The following GABRB3 variants were observed in gnomAD, a reference collection of about 807,000 sequenced individuals.
GABRB3 encodes gamma-aminobutyric acid type A receptor subunit beta3.
Under a neutral mutation model 52.1 loss-of-function variants are expected in GABRB3, and 14 were observed. The observed-to-expected ratio is 0.27, with a 90% CI of 0.18 to 0.42. The LOEUF (loss-of-function observed/expected upper bound fraction) is 0.42. Ranked by LOEUF, GABRB3 falls within the 10% of genes least tolerant of loss-of-function variation. The pLI is 1.00. For synonymous variants in GABRB3, 260 were observed against 232.3 expected, an observed-to-expected ratio of 1.12 and a Z score of -1.08; for missense variants, 307 against 609.1, an observed-to-expected ratio of 0.50 and a Z score of 5.22.
chr15:26,718,002 T>C (rs1359275377), intron 3 of GABRB3, among the ~76,000 whole-genome samples: 1 of 152,212 alleles, frequency 6.6e-6, no homozygotes, highest in African/African-American at 2.4e-5. Context: ...TCATTCTTTC[T>C]CTTTTGCCCA....
At chr15:26,618,538 C>T (rs1438537968) in intron 4 of GABRB3, among the ~76,000 whole-genome samples, 3 of 152,122 alleles carry the variant, frequency 2.0e-5, no homozygotes, top group Admixed American at 6.5e-5. Context: ...AAGACTTAAA[C>T]GTTAGACCTA....
intron 3 of GABRB3, among the ~76,000 whole-genome samples, chr15:26,748,341 G>C (rs990390049): frequency 6.6e-6 from 1 of 151,964 alleles, no homozygotes; most frequent in Non-Finnish European, 1.5e-5. Context: ...AAATTATCTG[G>C]GCCCAGAGAT....
intron 8 of GABRB3, among the ~76,000 whole-genome samples, chr15:26,549,767 T>C (rs138573623): frequency 6.6e-6 from 1 of 152,088 alleles, no homozygotes; most frequent in Non-Finnish European, 1.5e-5. Context: ...AGTCAGACCA[T>C]ACCTCCCAGC....
rs899501884 is a variant in GABRB3, at chr15:26,547,561, T to A, written c.*232A>T. The stretch of plus-strand genomic sequence containing the variant: ...TGTATATATGTATGTGTATTTGTCT[T>A]CCATACACATGGGCACTGACTCCTG... On this transcript the variant is annotated 3_prime_UTR_variant, in exon 9 of 9. Transcript: ENST00000311550. 30 of 593,598 alleles carry A rather than the reference T, an allele frequency of 5.1e-5. No individual in the cohort carries two copies. In the African/African-American group the frequency reaches 5.6e-4, roughly 11 times the overall value. The allele number at this position is 593,598 out of a possible 1,614,324, so 36.8% of individuals were successfully genotyped here.
chr15:26,754,353 T>G (rs771349452), intron 3 of GABRB3, among the ~76,000 whole-genome samples: 1 of 152,006 alleles, frequency 6.6e-6, no homozygotes, highest in African/African-American at 2.4e-5. Context: ...CAGAGAGAGA[T>G]CAGAAGTAGT....
At chr15:26,698,839 G>T (rs1002075395) in intron 3 of GABRB3, among the ~76,000 whole-genome samples, 1 of 152,082 alleles carries the variant, frequency 6.6e-6, no homozygotes, top group African/African-American at 2.4e-5. Flanking sequence ...TTCAAAGACT[G>T]TGAAAAAGAA....
At chr15:26,686,666 A>T (rs1012484666) in intron 3 of GABRB3, among the ~76,000 whole-genome samples, 10 of 152,200 alleles carry the variant, frequency 6.6e-5, no homozygotes, top group Admixed American at 1.3e-4. Flanking sequence ...ATAGGCCAGC[A>T]GTGTTGCCTT....
chr15:26,592,608 A>G (rs1891247895), intron 4 of GABRB3, among the ~76,000 whole-genome samples: 1 of 152,234 alleles, frequency 6.6e-6, no homozygotes, highest in Admixed American at 6.5e-5. Context: ...GATGAATGCA[A>G]GAAATCCTAG....
intron 3 of GABRB3, among the ~76,000 whole-genome samples, chr15:26,627,243 A>G (rs1892734141): frequency 6.6e-6 from 1 of 151,314 alleles, no homozygotes; most frequent in Admixed American, 6.6e-5. Context: ...GTTACTGCTC[A>G]TTTTCAATGT....
chr15:26,615,504 T>A, intron 4 of GABRB3: 1 of 923,624 alleles, frequency 1.1e-6, no homozygotes, highest in Non-Finnish European at 1.3e-6. Flanking sequence ...GCTCATGATT[T>A]AAAACAACCT....
intron 3 of GABRB3, chr15:26,767,311 G>A (rs1472983894): frequency 6.6e-6 from 1 of 152,162 alleles, no homozygotes; most frequent in Non-Finnish European, 1.5e-5. Flanking sequence ...AAGAGCATTA[G>A]CGCATTTCCT....
intron 3 of GABRB3, chr15:26,657,103 A>G (rs1398994682): frequency 6.6e-6 from 1 of 152,170 alleles, no homozygotes; most frequent in East Asian, 1.9e-4. Context: ...TTCTCTCTCC[A>G]TTCATCTTAA....
chr15:26,681,159 G>A (rs1234365063), intron 3 of GABRB3, among the ~76,000 whole-genome samples: 3 of 151,878 alleles, frequency 2.0e-5, no homozygotes, highest in African/African-American at 4.8e-5. Context: ...ACCAACCAGC[G>A]GCATTTCTAA....
chr15:26,721,472 A>G (rs559402056), intron 3 of GABRB3, among the ~76,000 whole-genome samples: 23 of 151,096 alleles, frequency 1.5e-4, no homozygotes, highest in East Asian at 1.2e-3. Flanking sequence ...AGGCCTCCCC[A>G]CTCCCTTCTT....
At chr15:26,683,917 T>C (rs1286498588) in intron 3 of GABRB3, among the ~76,000 whole-genome samples, 1 of 152,058 alleles carries the variant, frequency 6.6e-6, no homozygotes, top group Non-Finnish European at 1.5e-5. Flanking sequence ...ATAACTGACC[T>C]AGGAGGAGGA....
chr15:26,625,014 C>T (rs1892636850), intron 3 of GABRB3: 1 of 968,232 alleles, frequency 1.0e-6, no homozygotes, highest in South Asian at 4.8e-5. Flanking sequence ...AATTATTATC[C>T]TATATCGATG....
chr15:26,610,422 G>A (rs758059341), intron 4 of GABRB3, among the ~76,000 whole-genome samples: 58 of 152,258 alleles, frequency 3.8e-4, no homozygotes, highest in African/African-American at 8.4e-4. Context: ...TTTTGGTTCC[G>A]TGATCATAAA....
chr15:26,602,512 T>G (rs1045110747), intron 4 of GABRB3, among the ~76,000 whole-genome samples: 2 of 152,056 alleles, frequency 1.3e-5, no homozygotes, highest in African/African-American at 4.8e-5. Context: ...TATGTTAGGG[T>G]CACAAACCAA....
chr15:26,656,068 G>A (rs1007610616), intron 3 of GABRB3, among the ~76,000 whole-genome samples: 1 of 152,034 alleles, frequency 6.6e-6, no homozygotes, highest in Non-Finnish European at 1.5e-5. Context: ...GGATGTGCAC[G>A]TTTTAACAGC....
Sources: allele counts gnomAD v4.1 joint callset (sites outside exome capture counted in the v4.1 genomes callset), GRCh38; gene constraint gnomAD v4.1.1; transcripts MANE v1.5; gene names NCBI Gene and HGNC (gene_info 2026-07-23, HGNC 2026-07-21).